ZC3H6: variants seen among roughly 807,000 people sequenced by gnomAD.
ZC3H6 encodes zinc finger CCCH-type containing 6, also known as zinc finger CCCH domain-containing protein 6.
ZC3H6 carries 40 observed loss-of-function variants against 107.7 expected under a neutral mutation model. The observed-to-expected ratio is 0.37, with a 90% CI of 0.29 to 0.48. The LOEUF is 0.48. ZC3H6 is among the 20% of genes least tolerant of loss of function. ZC3H6 has a pLI of 0.98. For synonymous variants in ZC3H6, 493 were observed against 487.9 expected, an observed-to-expected ratio of 1.01 and a Z score of -0.14; for missense variants, 1,267 against 1,410.4, an observed-to-expected ratio of 0.90 and a Z score of 1.63.
In ZC3H6 at chr2:112,297,174, C is replaced by T. The variant is rs556482851; in HGVS notation, c.33-2675C>T. On this transcript the variant is annotated intron_variant, in intron 1 of 11. Coordinates refer to ENST00000409871, the MANE Select transcript of ZC3H6 (RefSeq NM_198581.3). ...CCTCAAAAAGAATAGAATGAATCCTCGTATACACATCCCAGTTTCAGCAGT... is the reference window on the plus strand; with the variant it reads ...CCTCAAAAAGAATAGAATGAATCCTTGTATACACATCCCAGTTTCAGCAGT... 7.9e-4 allele frequency among the ~76,000 whole-genome samples: 120 copies of T among 152,156 alleles called. 1 individual carries two copies. Among genetic ancestry groups the T allele is most frequent in the Non-Finnish European group, 1.4e-3 (92 of 68,022 alleles).
chr2:112,334,701 T>A lies in ZC3H6; in HGVS notation c.*2213T>A, dbSNP rs1558960006. On this transcript the variant is annotated 3_prime_UTR_variant, in exon 12 of 12. Coordinates refer to ENST00000409871, the MANE Select transcript of ZC3H6 (RefSeq NM_198581.3). Reference sequence around the variant, plus strand: ...TAACTTATTTATTATGCAGCATTTTTATTGTGATAACGTTAGTTTATGGGA... The same window carrying A: ...TAACTTATTTATTATGCAGCATTTTAATTGTGATAACGTTAGTTTATGGGA... 6.6e-6 allele frequency: 1 copy of A among 152,620 alleles called. No individual in the cohort carries two copies. The highest frequency in any genetic ancestry group is 6.5e-5 in the Admixed American group (1 of 15,274). The allele number at this position is 152,620 out of a possible 1,614,324, so 9.5% of individuals were successfully genotyped here. A position where few individuals can be genotyped will look rare whatever the true frequency, so the allele number is the denominator to read the frequency against.
intron 7 of ZC3H6, among the ~76,000 whole-genome samples, chr2:112,317,737 A>G (rs1676727976): frequency 6.6e-6 from 1 of 152,200 alleles, no homozygotes; most frequent in Admixed American, 6.5e-5. Context: ...TAGATGCTGT[A>G]TATTCTTCCC....
intron 1 of ZC3H6, among the ~76,000 whole-genome samples, chr2:112,280,057 C>T (rs1244640239): frequency 3.3e-5 from 5 of 152,076 alleles, no homozygotes; most frequent in Non-Finnish European, 7.3e-5. Context: ...AATGCTCTTC[C>T]CCTTTTCATT....
At chr2:112,290,413 C>G (rs967250122) in intron 1 of ZC3H6, among the ~76,000 whole-genome samples, 13 of 152,392 alleles carry the variant, frequency 8.5e-5, no homozygotes, top group African/African-American at 3.1e-4. Flanking sequence ...GGAAAGCCTT[C>G]CACACTTCCC....
At chr2:112,294,473 T>G (rs950546373) in intron 1 of ZC3H6, among the ~76,000 whole-genome samples, 1 of 152,204 alleles carries the variant, frequency 6.6e-6, no homozygotes, top group Non-Finnish European at 1.5e-5. Flanking sequence ...GAAGATTGTC[T>G]TTTTTTGTGG....
rs1446821604 is a variant in ZC3H6 at position 112,334,325 on chromosome 2, G to A, written c.*1837G>A. The A allele has an allele frequency of 6.6e-6, 1 of 151,946 alleles. No homozygotes were observed. The allele number at this position is 151,946 out of a possible 1,614,324, so 9.4% of individuals were successfully genotyped here. A position where few individuals can be genotyped will look rare whatever the true frequency, so the allele number is the denominator to read the frequency against. ...AAAATCAGAAAAATGGCTGATTTTAGTAAATGAAATTTTTAGCAAATCTTT... is the reference window on the plus strand; with the variant it reads ...AAAATCAGAAAAATGGCTGATTTTAATAAATGAAATTTTTAGCAAATCTTT... On this transcript the variant is annotated 3_prime_UTR_variant, in exon 12 of 12. Transcript: ENST00000409871.
intron 2 of ZC3H6, among the ~76,000 whole-genome samples, chr2:112,301,611 T>G (rs891342593): frequency 6.6e-6 from 1 of 151,962 alleles, no homozygotes; most frequent in Non-Finnish European, 1.5e-5. Context: ...TAATGGAGAG[T>G]AAGTCTTCCA....
At chr2:112,321,920 A>AATC in intron 8 of ZC3H6, 55 bp downstream of exon 8, 1 of 786,382 alleles carries the variant, frequency 1.3e-6, no homozygotes, top group Non-Finnish European at 2.0e-6. Context: ...ATTTGACTTG[A>AATC]ATCATATTTT....
intron 2 of ZC3H6, among the ~76,000 whole-genome samples, chr2:112,302,506 A>G (rs1014884707): frequency 6.6e-6 from 1 of 152,122 alleles, no homozygotes; most frequent in African/African-American, 2.4e-5. Flanking sequence ...CTGGGACTGC[A>G]ATGATAATAA....
At position 112,332,004 on chromosome 2, in the gene ZC3H6, C is replaced by G; in HGVS notation, c.3086C>G (p.Ser1029Cys). ...CTGCCTCCATATGCCCCTAAACTCT[C>G]TTCCTCAGCTGGCCTTCCACTGGGA... is the stretch of plus-strand genomic sequence containing the variant. ...GALPPYAPKL[S>C]SSAGLPLGTS... The change falls in exon 12 of 12, where the codon TCT (serine) becomes TGT (cysteine). Residue 1029 changes from serine (S) to cysteine (C), a missense_variant. Transcript: ENST00000409871. 1.2e-6 allele frequency: 2 copies of G among 1,614,032 alleles called. No homozygotes were observed. Among genetic ancestry groups the G allele is most frequent in the Non-Finnish European group, 1.7e-6 (2 of 1,179,900 alleles).
At chr2:112,297,473 A>G (rs769195139) in intron 1 of ZC3H6, among the ~76,000 whole-genome samples, 18 of 152,178 alleles carry the variant, frequency 1.2e-4, no homozygotes, top group Admixed American at 8.5e-4. Flanking sequence ...GCACTTTTTC[A>G]AACTATAGTG....
intron 1 of ZC3H6, among the ~76,000 whole-genome samples, chr2:112,282,841 G>A (rs1686550412): frequency 6.6e-6 from 1 of 152,158 alleles, no homozygotes; most frequent in African/African-American, 2.4e-5. Context: ...CGCTGATAAA[G>A]TGATAATCTC....
rs1476722350 is a variant in ZC3H6, at chr2:112,331,776, C to CA, written c.2859dup (p.His954ThrfsTer6). 6.2e-7 allele frequency: 1 copy of CA among 1,613,506 alleles called. No individual in the cohort carries two copies. Among genetic ancestry groups the CA allele is most frequent in the Admixed American group, 1.7e-5 (1 of 59,950 alleles). ...GGCTACCTAGAACAATTTGGAGACT[C>CA]ACACGGTTCAGGAGCTAAATTAGGA... is the stretch of plus-strand genomic sequence containing the variant. On this transcript the variant is annotated frameshift_variant, in exon 12 of 12. Transcript: ENST00000409871. LOFTEE classifies it high-confidence loss of function.
intron 1 of ZC3H6, among the ~76,000 whole-genome samples, chr2:112,294,897 C>G (rs907738146): frequency 2.0e-5 from 3 of 152,056 alleles, no homozygotes; most frequent in African/African-American, 7.2e-5. Context: ...ATACTTAGAT[C>G]TAGAGAAAAA....
intron 1 of ZC3H6, among the ~76,000 whole-genome samples, chr2:112,297,749 A>G (rs8179708): frequency 0.42 from 63,973 of 151,946 alleles, 14,371 homozygotes; most frequent in East Asian, 0.76. Context: ...TTGTGGCTTG[A>G]GTTTTGTTAC....
chr2:112,317,836 T>TA (rs1398467743), intron 7 of ZC3H6, among the ~76,000 whole-genome samples: 4 of 152,192 alleles, frequency 2.6e-5, no homozygotes, highest in African/African-American at 2.4e-5. Flanking sequence ...TCTGGTCCTT[T>TA]AAAAAAATGT....
chr2:112,285,956 G>A lies in ZC3H6; in HGVS notation c.32+9930G>A, dbSNP rs147135845. Reference sequence around the variant, plus strand: ...AGCCTGGGCGACAGAGCGAGTCTCCGTCTCAAAAAAAAAAAAATTCTCACT... The same window carrying A: ...AGCCTGGGCGACAGAGCGAGTCTCCATCTCAAAAAAAAAAAAATTCTCACT... On this transcript the variant is annotated intron_variant, in intron 1 of 11. Coordinates refer to ENST00000409871, the MANE Select transcript of ZC3H6 (RefSeq NM_198581.3). The A allele has an allele frequency of 9.1e-4, 168 of 185,046 alleles. 1 individual carries two copies. Among genetic ancestry groups the A allele is most frequent in the Middle Eastern group, 2.5e-3 (1 of 406 alleles). 11.5% of individuals were successfully genotyped at this position (185,046 alleles called of 1,614,324 possible).
At chr2:112,291,639 G>GTGTTTCTC (rs1676121280) in intron 1 of ZC3H6, among the ~76,000 whole-genome samples, 1 of 152,176 alleles carries the variant, frequency 6.6e-6, no homozygotes, top group African/African-American at 2.4e-5. Context: ...AATGAGTTCA[G>GTGTTTCTC]TGTTTCTCTC....
chr2:112,310,526 A>T (rs965635625), intron 4 of ZC3H6, among the ~76,000 whole-genome samples: 2 of 152,246 alleles, frequency 1.3e-5, no homozygotes, highest in African/African-American at 4.8e-5. Context: ...AGGCTTTAAA[A>T]TACAGCAGTC....
Sources: allele counts gnomAD v4.1 joint callset (sites outside exome capture counted in the v4.1 genomes callset), GRCh38; gene constraint gnomAD v4.1.1; transcripts MANE v1.5; gene names NCBI Gene and HGNC (gene_info 2026-07-23, HGNC 2026-07-21).